Variants in CNTNAP5 observed in about 807,000 individuals in gnomAD.
The protein encoded by CNTNAP5 is contactin associated protein family member 5.
In CNTNAP5, 72 loss-of-function variants were observed where a neutral mutation model predicts 150.2. That is an observed-to-expected ratio of 0.48 (90% CI 0.40 to 0.58). The LOEUF (loss-of-function observed/expected upper bound fraction) is 0.58. Ranked by LOEUF, CNTNAP5 falls within the 20% of genes least tolerant of loss-of-function variation. The pLI is 0.00. For synonymous variants in CNTNAP5, 672 were observed against 619.8 expected, an observed-to-expected ratio of 1.08 and a Z score of -1.25; for missense variants, 1,636 against 1,626.2, an observed-to-expected ratio of 1.01 and a Z score of -0.10.
chr2:124,777,937 C>T (rs906177371), intron 17 of CNTNAP5, among the ~76,000 whole-genome samples: 1 of 151,970 alleles, frequency 6.6e-6, no homozygotes, highest in South Asian at 2.1e-4. Context: ...AAGTTAGAAG[C>T]AGTAATTTGA....
intron 1 of CNTNAP5, among the ~76,000 whole-genome samples, chr2:124,111,557 C>A (rs1683300578): frequency 6.6e-6 from 1 of 152,046 alleles, no homozygotes; most frequent in African/African-American, 2.4e-5. Flanking sequence ...AATCACCATA[C>A]CACAGGCTTC....
At chr2:124,182,470 G>T (rs1435669179) in intron 1 of CNTNAP5, among the ~76,000 whole-genome samples, 1 of 152,184 alleles carries the variant, frequency 6.6e-6, no homozygotes, top group Non-Finnish European at 1.5e-5. Context: ...AGCTCACACA[G>T]TATGTCTAGA....
At chr2:124,688,396 G>A (rs578098148) in intron 13 of CNTNAP5, among the ~76,000 whole-genome samples, 63 of 152,030 alleles carry the variant, frequency 4.1e-4, no homozygotes, top group African/African-American at 1.4e-3. Context: ...TCCATAAATC[G>A]CTACCACTTG....
At chr2:124,805,456 C>G (rs949565997) in intron 19 of CNTNAP5, among the ~76,000 whole-genome samples, 1 of 152,140 alleles carries the variant, frequency 6.6e-6, no homozygotes, top group African/African-American at 2.4e-5. Flanking sequence ...CAAGGAAACT[C>G]CCCACCTCAA....
At chr2:124,294,312 A>G (rs1055148400) in intron 3 of CNTNAP5, among the ~76,000 whole-genome samples, 2 of 152,234 alleles carry the variant, frequency 1.3e-5, no homozygotes, top group Non-Finnish European at 2.9e-5. Flanking sequence ...AAAATAAGGT[A>G]ATATTTTAAG....
At chr2:124,601,963 G>C (rs973419643) in intron 11 of CNTNAP5, among the ~76,000 whole-genome samples, 43 of 152,316 alleles carry the variant, frequency 2.8e-4, no homozygotes, top group African/African-American at 1.0e-3. Context: ...ACTGTAACCA[G>C]ACGGGTAGCT....
chr2:124,528,300 T>C (rs1695023139), intron 10 of CNTNAP5, among the ~76,000 whole-genome samples: 2 of 152,296 alleles, frequency 1.3e-5, no homozygotes, highest in Non-Finnish European at 2.9e-5. Context: ...GACCAAGAAA[T>C]GCACCCTTAT....
intron 12 of CNTNAP5, among the ~76,000 whole-genome samples, chr2:124,636,661 T>G (rs1455534270): frequency 6.6e-6 from 1 of 152,120 alleles, no homozygotes; most frequent in African/African-American, 2.4e-5. Flanking sequence ...TGTCTGTGTG[T>G]GTCTGTGTGT....
At chr2:124,652,865 T>C (rs1678352104) in intron 13 of CNTNAP5, among the ~76,000 whole-genome samples, 1 of 152,232 alleles carries the variant, frequency 6.6e-6, no homozygotes, top group Non-Finnish European at 1.5e-5. Context: ...CCCTCTTCAG[T>C]AAAGCTGTGA....
intron 3 of CNTNAP5, among the ~76,000 whole-genome samples, chr2:124,374,851 G>A (rs1461445855): frequency 6.6e-6 from 1 of 151,936 alleles, no homozygotes; most frequent in African/African-American, 2.4e-5. Context: ...ACAAAAGTAA[G>A]GCAATACTGA....
chr2:124,864,831 C>A (rs2104719655), intron 19 of CNTNAP5, among the ~76,000 whole-genome samples: 1 of 152,226 alleles, frequency 6.6e-6, no homozygotes, highest in Middle Eastern at 3.4e-3. Context: ...AGGCACTGTG[C>A]CCTAATCTGG....
At chr2:124,910,986 G>T (rs1678642258) in intron 22 of CNTNAP5, among the ~76,000 whole-genome samples, 1 of 151,774 alleles carries the variant, frequency 6.6e-6, no homozygotes, top group South Asian at 2.1e-4. Flanking sequence ...TATCATATAT[G>T]GTACTGTACA....
chr2:124,724,589 G>A (rs899402328), intron 13 of CNTNAP5, among the ~76,000 whole-genome samples: 2 of 151,872 alleles, frequency 1.3e-5, no homozygotes, highest in Non-Finnish European at 2.9e-5. Context: ...TGAAGACACA[G>A]TTGAGTCCAG....
At chr2:124,193,027 G>A (rs1685495831) in intron 1 of CNTNAP5, among the ~76,000 whole-genome samples, 1 of 152,106 alleles carries the variant, frequency 6.6e-6, no homozygotes, top group African/African-American at 2.4e-5. Context: ...TCTCTGGCTT[G>A]TGGAAGCCAA....
At chr2:124,790,205 C>T (rs1051940305) in intron 18 of CNTNAP5, 64 bp downstream of exon 18, 3 of 1,471,288 alleles carry the variant, frequency 2.0e-6, no homozygotes, top group South Asian at 2.7e-5. Flanking sequence ...TATGGTCAGG[C>T]CATGTGATAC....
intron 3 of CNTNAP5, among the ~76,000 whole-genome samples, chr2:124,315,691 G>T (rs546167920): frequency 6.6e-6 from 1 of 152,208 alleles, no homozygotes; most frequent in East Asian, 1.9e-4. Context: ...AGGTGGCTCT[G>T]AGAAGCTACT....
intron 1 of CNTNAP5, among the ~76,000 whole-genome samples, chr2:124,078,461 T>A (rs1438843623): frequency 6.6e-6 from 1 of 152,220 alleles, no homozygotes; most frequent in East Asian, 1.9e-4. Context: ...TGGACTGACC[T>A]GAGTTTGAAT....
intron 4 of CNTNAP5, among the ~76,000 whole-genome samples, chr2:124,432,242 A>T (rs7569016): frequency 0.2 from 30,036 of 152,102 alleles, 3,318 homozygotes; most frequent in East Asian, 0.33. Context: ...CTTCAAAGAC[A>T]CCATGTGTGG....
At chr2:124,767,605 C>T (rs1167091560) in intron 16 of CNTNAP5, among the ~76,000 whole-genome samples, 2 of 152,124 alleles carry the variant, frequency 1.3e-5, no homozygotes, top group African/African-American at 4.8e-5. Flanking sequence ...TGAGCAAGTT[C>T]TTCTCCCTTC....
Sources: allele counts gnomAD v4.1 joint callset (sites outside exome capture counted in the v4.1 genomes callset), GRCh38; gene constraint gnomAD v4.1.1; transcripts MANE v1.5; gene names NCBI Gene and HGNC (gene_info 2026-07-23, HGNC 2026-07-21).